Variants in CCDC121 observed in about 807,000 individuals in gnomAD.
The protein encoded by CCDC121 is coiled-coil domain-containing protein 121.
For synonymous variants in CCDC121, 108 were observed against 120.0 expected, an observed-to-expected ratio of 0.90 and a Z score of 0.65; for missense variants, 238 against 304.1, an observed-to-expected ratio of 0.78 and a Z score of 1.62.
In CCDC121 at chr2:27,627,346, A is replaced by G. The variant is rs754252679; in HGVS notation, c.454T>C (p.Leu152=). 2.5e-6 allele frequency: 4 copies of G among 1,613,708 alleles called. No individual in the cohort carries two copies. Among genetic ancestry groups the G allele is most frequent in the South Asian group, 2.2e-5 (2 of 91,058 alleles). The change falls in exon 2 of 2, where the codon TTA becomes CTA. Residue 152 remains leucine (L), a synonymous_variant. Coordinates refer to ENST00000324364, the MANE Select transcript of CCDC121 (RefSeq NM_024584.5). ...GGCTCGCTCAGTTGTTTCTCCAGTA[A>G]TCTTTTCTCCTGGAGGAGCTGGGCC... The part of the protein sequence containing the change: ...VQAQLLQEKR[L]LEKQLSEPDR...
rs757300292 is a variant in CCDC121, at chr2:27,627,348, CT to C, written c.451del (p.Arg151AspfsTer7). The C allele has an allele frequency of 4.2e-5, 68 of 1,613,832 alleles. No homozygotes were observed. The highest frequency in any genetic ancestry group is 5.5e-5 in the Non-Finnish European group (65 of 1,179,900). ...EVQAQLLQEK[R>X]LLEKQLSEPD... ...CTCGCTCAGTTGTTTCTCCAGTAAT[CT>C]TTTCTCCTGGAGGAGCTGGGCCTGT... On this transcript the variant is annotated frameshift_variant, in exon 2 of 2. Coordinates refer to ENST00000324364, the MANE Select transcript of CCDC121 (RefSeq NM_024584.5). LOFTEE classifies it low-confidence loss of function (END_TRUNC).
In CCDC121 at chr2:27,627,254, C is replaced by T. The variant is rs368939482; in HGVS notation, c.546G>A (p.Leu182=). ...ELNMKAQALK[L]AAKRFIFEYS... The stretch of plus-strand genomic sequence containing the variant: ...ATTCAAAAATAAACCGCTTTGCTGC[C>T]AACTTCAAGGCCTGGGCCTTCATAT... The change falls in exon 2 of 2, where the codon TTG becomes TTA. Residue 182 remains leucine (L), a synonymous_variant. Coordinates refer to ENST00000324364, the MANE Select transcript of CCDC121 (RefSeq NM_024584.5). 33 of 1,613,866 alleles carry T rather than the reference C, an allele frequency of 2.0e-5. No homozygotes were observed. Among genetic ancestry groups the T allele is most frequent in the Admixed American group, 3.3e-5 (2 of 60,002 alleles).
rs1673308381 is a variant in CCDC121, at chr2:27,627,168, T to C, written c.632A>G (p.Glu211Gly). 6.2e-7 allele frequency: 1 copy of C among 1,614,040 alleles called. No homozygotes were observed. The highest frequency in any genetic ancestry group is 8.5e-7 in the Non-Finnish European group (1 of 1,179,882). The change falls in exon 2 of 2, where the codon GAG becomes GGG. Residue 211 changes from glutamate to glycine, a missense_variant. Glu to Gly is a moderately conservative substitution (Grantham distance 98). Coordinates refer to ENST00000324364, the MANE Select transcript of CCDC121 (RefSeq NM_024584.5). ...QFKKELLQLI[E>G]QAQKLTATQS... ...AGTAGCCGTTAGTTTCTGGGCTTGCTCAATTAGCTGCAGTAATTCCTTCTT... is the reference window on the plus strand; with the variant it reads ...AGTAGCCGTTAGTTTCTGGGCTTGCCCAATTAGCTGCAGTAATTCCTTCTT...
chr2:27,627,464 T>C lies in CCDC121; in HGVS notation c.336A>G (p.Ile112Met), dbSNP rs1270523126. ...RKLQAMRDIA[I>M]LKEKQEKEIQ... The stretch of plus-strand genomic sequence containing the variant: ...TTTCTTTCTCCTGCTTTTCCTTTAA[T>C]ATAGCAATGTCCCTCATTGCCTGCA... Residue 112 changes from isoleucine to methionine, a missense_variant, in exon 2 of 2, where the codon ATA becomes ATG. Coordinates refer to ENST00000324364, the MANE Select transcript of CCDC121 (RefSeq NM_024584.5). 6.2e-7 allele frequency: 1 copy of C among 1,614,012 alleles called. No individual in the cohort carries two copies. Among genetic ancestry groups the C allele is most frequent in the African/African-American group, 1.3e-5 (1 of 74,936 alleles).
At position 27,627,376 on chromosome 2, in the gene CCDC121, C is replaced by T. The variant is rs2148056654; in HGVS notation, c.424G>A (p.Val142Ile). The T allele has an allele frequency of 4.3e-6, 7 of 1,614,158 alleles. No individual in the cohort carries two copies. Among genetic ancestry groups the T allele is most frequent in the Non-Finnish European group, 5.1e-6 (6 of 1,180,016 alleles). Residue 142 changes from valine (V) to isoleucine (I), a missense_variant, in exon 2 of 2, where the codon GTA becomes ATA. Physicochemically the swap from Val to Ile is conservative, Grantham distance 29. Transcript: ENST00000324364. ...TTCTCCTGGAGGAGCTGGGCCTGTA[C>T]TTCCCGTGTCTTTGAAGCTGTCTCA... ...QAETASKTREVQAQLLQEKRL... is the reference protein window; with the variant it reads ...QAETASKTREIQAQLLQEKRL...
At position 27,627,319 on chromosome 2, in the gene CCDC121, C is replaced by G; in HGVS notation, c.481G>C (p.Asp161His). Residue 161 changes from aspartate (D) to histidine (H), a missense_variant, in exon 2 of 2, where the codon GAC (aspartate) becomes CAC (histidine). By Grantham distance (81) the Asp-to-His change is moderately conservative. Transcript: ENST00000324364. ...TTTCTCTTTCCCAGTAGCCTCCTGT[C>G]TGGCTCGCTCAGTTGTTTCTCCAGT... is the stretch of plus-strand genomic sequence containing the variant. ...RLLEKQLSEP[D>H]RRLLGKRKRR... 1 of 1,614,032 alleles carries G rather than the reference C, an allele frequency of 6.2e-7. No homozygotes were observed. The highest frequency in any genetic ancestry group is 2.2e-5 in the East Asian group (1 of 44,892).
rs1178540623 is a variant in CCDC121 at position 27,625,912 on chromosome 2, A to C, written c.*1051T>G. On this transcript the variant is annotated 3_prime_UTR_variant, in exon 2 of 2. Transcript: ENST00000324364. ...TTAAAATATAAGATTATATTCCCCTATACTAGGATTCAGCATTCAAATAAA... is the reference window on the plus strand; with the variant it reads ...TTAAAATATAAGATTATATTCCCCTCTACTAGGATTCAGCATTCAAATAAA... 3.9e-5 allele frequency: 6 copies of C among 152,270 alleles called. No homozygotes were observed. Among genetic ancestry groups the C allele is most frequent in the African/African-American group, 1.2e-4 (5 of 41,452 alleles). The allele number at this position is 152,270 out of a possible 1,614,324, so 9.4% of individuals were successfully genotyped here.
Position 27,627,722 on chromosome 2 carries a change from G to A in CCDC121, c.78C>T (p.His26=), listed in dbSNP as rs760749702. ...CAGCCTGGACAAGTAACTTTTCTCG[G>A]TGTAGCTCCCTGGATTCCTCCAGTA... ...KQLLEESREL[H]REKLLVQAEN... is the part of the protein sequence containing the mutation. Residue 26 remains histidine, a synonymous_variant, in exon 2 of 2, where the codon CAC becomes CAT. Coordinates refer to ENST00000324364, the MANE Select transcript of CCDC121 (RefSeq NM_024584.5). The A allele has an allele frequency of 1.9e-5, 30 of 1,613,712 alleles. No individual in the cohort carries two copies. In the East Asian group the frequency reaches 6.5e-4, roughly 35 times the overall value.
chr2:27,627,670 T>C lies in CCDC121; in HGVS notation c.130A>G (p.Thr44Ala), dbSNP rs376633943. ...AENRFFLEYL[T>A]NKTEEYTEQP... ...TCTGTGTACTCTTCAGTTTTGTTAG[T>C]CAGGTATTCCAGAAAGAATCTGTTT... is the stretch of plus-strand genomic sequence containing the variant. Residue 44 changes from threonine to alanine, a missense_variant, in exon 2 of 2, where the codon ACT becomes GCT. Transcript: ENST00000324364. 16 of 1,613,886 alleles carry C rather than the reference T, an allele frequency of 9.9e-6. No individual in the cohort carries two copies. Among genetic ancestry groups the C allele is most frequent in the Non-Finnish European group, 1.4e-5 (16 of 1,180,024 alleles).
chr2:27,626,221 AC>A lies in CCDC121; in HGVS notation c.*741del, dbSNP rs1217193314. 6.6e-6 allele frequency: 1 copy of A among 152,348 alleles called. No homozygotes were observed. Among genetic ancestry groups the A allele is most frequent in the African/African-American group, 2.4e-5 (1 of 41,458 alleles). The allele number at this position is 152,348 out of a possible 1,614,324, so 9.4% of individuals were successfully genotyped here. ...AAAAAAAAGTTGTCCAAATATTTCA[AC>A]TTTTTTTGGATACGTTTTCCTGAAA... On this transcript the variant is annotated 3_prime_UTR_variant, in exon 2 of 2. Transcript: ENST00000324364.
rs780833379 is a variant in CCDC121, at chr2:27,627,292, T to G, written c.508A>C (p.Arg170=). The G allele has an allele frequency of 2.5e-6, 4 of 1,613,864 alleles. No individual in the cohort carries two copies. Among genetic ancestry groups the G allele is most frequent in the East Asian group, 2.2e-5 (1 of 44,896 alleles). Residue 170 remains arginine (R), a synonymous_variant, in exon 2 of 2, where the codon AGA becomes CGA. Transcript: ENST00000324364. Reference sequence around the variant, plus strand: ...TGGGCCTTCATATTAAGCTCTCTTCTTTTTCTCTTTCCCAGTAGCCTCCTG... The same window carrying G: ...TGGGCCTTCATATTAAGCTCTCTTCGTTTTCTCTTTCCCAGTAGCCTCCTG... ...PDRRLLGKRK[R]RELNMKAQAL... is the part of the protein sequence containing the mutation.
At position 27,626,964 on chromosome 2, in the gene CCDC121, T is replaced by TA; in HGVS notation, c.835dup (p.Ter279LeufsTer10). ...ATTTAATCAGTGTTATTTTAGAAGT[T>TA]ACTTTGGATTAATCCTTGATTTGGT... On this transcript the variant is annotated frameshift_variant and stop_lost, in exon 2 of 2. Coordinates refer to ENST00000324364, the MANE Select transcript of CCDC121 (RefSeq NM_024584.5). LOFTEE classifies it high-confidence loss of function. 1 of 1,590,292 alleles carries TA rather than the reference T, an allele frequency of 6.3e-7. No homozygotes were observed. The highest frequency in any genetic ancestry group is 1.1e-5 in the South Asian group (1 of 88,800).
At chr2:27,628,214 G>A in intron 1 of CCDC121, 3 of 667,880 alleles carry the variant, frequency 4.5e-6, no homozygotes, top group Non-Finnish European at 7.5e-6. Flanking sequence ...GCAGAGCCTG[G>A]GTATTAAAGC....
rs1312416628 is a variant in CCDC121 at position 27,628,930 on chromosome 2, G to A, written c.-119+20C>T. 6.0e-6 allele frequency: 9 copies of A among 1,502,970 alleles called. No individual in the cohort carries two copies. Among genetic ancestry groups the A allele is most frequent in the African/African-American group, 2.8e-5 (2 of 71,544 alleles). The allele number at this position is 1,502,970 out of a possible 1,614,324, so 93.1% of individuals were successfully genotyped here. On this transcript the variant is annotated intron_variant, in intron 1 of 1. Coordinates refer to ENST00000324364, the MANE Select transcript of CCDC121 (RefSeq NM_024584.5). ...TGCCCGACGCTAAGAAGATGCCCTG[G>A]CAACCGCCGCGCCCCTCACCCGCTC... is the stretch of plus-strand genomic sequence containing the variant.
rs183392250 is a variant in CCDC121, at chr2:27,627,745, G to C, written c.55C>G (p.Leu19Val). 6.2e-7 allele frequency: 1 copy of C among 1,614,024 alleles called. No homozygotes were observed. The highest frequency in any genetic ancestry group is 1.3e-5 in the African/African-American group (1 of 74,996). ...CGGTGTAGCTCCCTGGATTCCTCCAGTAGCTGTTTCCGCTGGGTTTGAGCT... is the reference window on the plus strand; with the variant it reads ...CGGTGTAGCTCCCTGGATTCCTCCACTAGCTGTTTCCGCTGGGTTTGAGCT... ...KQAQTQRKQL[L>V]EESRELHREK... The change falls in exon 2 of 2, where the codon CTG becomes GTG. Residue 19 changes from leucine (L) to valine (V), a missense_variant. Leu to Val is a conservative substitution (Grantham distance 32). Transcript: ENST00000324364.
Position 27,628,984 on chromosome 2 carries a change from G to A in CCDC121, c.-153C>T. 6.3e-7 allele frequency: 1 copy of A among 1,588,242 alleles called. No homozygotes were observed. The highest frequency in any genetic ancestry group is 8.6e-7 in the Non-Finnish European group (1 of 1,167,020). On this transcript the variant is annotated 5_prime_UTR_variant, in exon 1 of 2. Coordinates refer to ENST00000324364, the MANE Select transcript of CCDC121 (RefSeq NM_024584.5). The stretch of plus-strand genomic sequence containing the variant: ...TCTGACGCTGTGGTGGTTTTCGTTC[G>A]CAGCCCAGAACATTGCGGAAGTTTC...
chr2:27,628,216 TATTAAAGCC>T lies in CCDC121; in HGVS notation c.-118-308_-118-300del, dbSNP rs1572946696. The stretch of plus-strand genomic sequence containing the variant: ...CCACTAGCAAGTGGCAGAGCCTGGG[TATTAAAGCC>T]AGATCTTATGACTTACTGAACACTG... On this transcript the variant is annotated intron_variant, in intron 1 of 1. Coordinates refer to ENST00000324364, the MANE Select transcript of CCDC121 (RefSeq NM_024584.5). 5.0e-5 allele frequency: 34 copies of T among 673,276 alleles called. No homozygotes were observed. The East Asian group carries it at 9.2e-4, about 18-fold the overall frequency. The allele number at this position is 673,276 out of a possible 1,614,324, so 41.7% of individuals were successfully genotyped here. A position where few individuals can be genotyped will look rare whatever the true frequency, so the allele number is the denominator to read the frequency against.
chr2:27,628,289 T>G, intron 1 of CCDC121: 1 of 1,104,178 alleles, frequency 9.1e-7, no homozygotes. Context: ...GACTGGGTGG[T>G]CAGGAGTAGA....
In CCDC121 at chr2:27,627,091, G is replaced by A. The variant is rs1673304569; in HGVS notation, c.709C>T (p.Leu237=). 9 of 1,614,170 alleles carry A rather than the reference G, an allele frequency of 5.6e-6. No individual in the cohort carries two copies. Among genetic ancestry groups the A allele is most frequent in the Non-Finnish European group, 7.6e-6 (9 of 1,180,032 alleles). Residue 237 remains leucine (L), a synonymous_variant, in exon 2 of 2, where the codon CTG becomes TTG. Transcript: ENST00000324364. ...TGCCTCGCCTGGATTAAGGACTCCA[G>A]ATACCACTGTTCCTGCTGCAGCTGC... ...KQQLQQEQWY[L]ESLIQARQRL...
Sources: allele counts gnomAD v4.1 joint callset, GRCh38; gene constraint gnomAD v4.1.1; transcripts MANE v1.5; gene names NCBI Gene and HGNC (gene_info 2026-07-23, HGNC 2026-07-21).